NPSR1: variants seen among roughly 807,000 people sequenced by gnomAD.
The protein encoded by NPSR1 is neuropeptide S receptor.
A neutral mutation model predicts 46.9 loss-of-function variants in NPSR1; 48 were observed. The ratio of observed to expected loss-of-function variants is 1.02; its 90% confidence interval spans 0.81 to 1.30. The LOEUF (loss-of-function observed/expected upper bound fraction) is 1.30, where lower values mean the gene tolerates loss of function less well. Ranked by LOEUF, NPSR1 falls within the 50% of genes most tolerant of loss-of-function variation. The pLI, the probability that NPSR1 is intolerant of heterozygous loss-of-function variation, is 0.00. For missense variants in NPSR1, 450 were observed against 449.5 expected (o/e 1.00, Z -0.01); for synonymous variants, 176 against 168.1 (o/e 1.05, Z -0.36).
At chr7:34,659,909 A>G (rs1791371189) in intron 1 of NPSR1, among the ~76,000 whole-genome samples, 1 of 152,152 alleles carries the variant, frequency 6.6e-6, no homozygotes, top group African/African-American at 2.4e-5. Flanking sequence ...TGATATTCTT[A>G]GAACATGATA....
chr7:34,819,100 A>T (rs1244289030), intron 4 of NPSR1, among the ~76,000 whole-genome samples: 1 of 152,246 alleles, frequency 6.6e-6, no homozygotes, highest in African/African-American at 2.4e-5. Context: ...GCTTCTGCAC[A>T]GCAAAAGAAA....
intron 2 of NPSR1, among the ~76,000 whole-genome samples, chr7:34,701,485 A>G (rs1793826428): frequency 6.6e-6 from 1 of 152,210 alleles, no homozygotes; most frequent in African/African-American, 2.4e-5. Flanking sequence ...TTAACACAGT[A>G]TGTAAGCTCT....
At chr7:34,786,090 A>G (rs1309884150) in intron 3 of NPSR1, among the ~76,000 whole-genome samples, 1 of 152,162 alleles carries the variant, frequency 6.6e-6, no homozygotes, top group Admixed American at 6.6e-5. Flanking sequence ...AATTATCTGT[A>G]GTATGCAATA....
chr7:34,874,362 T>G (rs1222275352), intron 8 of NPSR1, among the ~76,000 whole-genome samples: 2 of 152,182 alleles, frequency 1.3e-5, no homozygotes. Flanking sequence ...TGAGCTCACA[T>G]TACCCTAAGA....
chr7:34,773,223 G>A (rs1786770237), intron 2 of NPSR1, among the ~76,000 whole-genome samples: 1 of 152,144 alleles, frequency 6.6e-6, no homozygotes, highest in Admixed American at 6.6e-5. Flanking sequence ...TTTAAAGGAT[G>A]GGACCCTAAA....
chr7:34,819,578 G>A (rs1296841425), intron 4 of NPSR1, among the ~76,000 whole-genome samples: 2 of 152,126 alleles, frequency 1.3e-5, no homozygotes, highest in African/African-American at 4.8e-5. Flanking sequence ...TATACCCAAA[G>A]GATTATAAAT....
intron 2 of NPSR1, among the ~76,000 whole-genome samples, chr7:34,714,364 C>T (rs546354958): frequency 2.0e-5 from 3 of 152,304 alleles, no homozygotes; most frequent in African/African-American, 7.2e-5. Flanking sequence ...TGAAACTTGG[C>T]TCATTGGGGG....
intron 4 of NPSR1, among the ~76,000 whole-genome samples, chr7:34,822,258 G>T (rs527286692): frequency 1.3e-5 from 2 of 152,114 alleles, no homozygotes; most frequent in Non-Finnish European, 2.9e-5. Flanking sequence ...GGCAGGGTTC[G>T]GAGTTTATGC....
intron 2 of NPSR1, chr7:34,753,373 G>C (rs968533556): frequency 6.6e-6 from 1 of 152,188 alleles, no homozygotes; most frequent in African/African-American, 2.4e-5. Context: ...GAAGTTGAAT[G>C]CTATTCTGAA....
chr7:34,662,008 A>C (rs945324715), intron 1 of NPSR1, among the ~76,000 whole-genome samples: 10 of 152,188 alleles, frequency 6.6e-5, no homozygotes, highest in African/African-American at 2.4e-4. Flanking sequence ...TGGTGAATTC[A>C]CCAGCAATGT....
chr7:34,848,692 A>G lies in NPSR1; in HGVS notation c.1025+29A>G, dbSNP rs553875377. 3.0e-5 allele frequency: 48 copies of G among 1,596,036 alleles called. No homozygotes were observed. The East Asian group carries it at 1.1e-3, about 35-fold the overall frequency. ...AGGGGAGCTCTTGCATGGGTCAGAC[A>G]CACTGATGGCCATTGCACTGGGATT... On this transcript the variant is annotated intron_variant, in intron 8 of 8. Coordinates refer to ENST00000360581, the MANE Select transcript of NPSR1 (RefSeq NM_207172.2).
At chr7:34,868,600 G>A (rs890395630) in intron 8 of NPSR1, among the ~76,000 whole-genome samples, 2 of 151,686 alleles carry the variant, frequency 1.3e-5, no homozygotes, top group African/African-American at 4.9e-5. Flanking sequence ...GCTCTCGGCA[G>A]AAGAGAGAAA....
At chr7:34,681,172 G>C (rs1255539619) in intron 1 of NPSR1, among the ~76,000 whole-genome samples, 1 of 152,048 alleles carries the variant, frequency 6.6e-6, no homozygotes, top group South Asian at 2.1e-4. Flanking sequence ...TCCATCCCCA[G>C]ACCAAGTCCC....
intron 2 of NPSR1, among the ~76,000 whole-genome samples, chr7:34,743,353 A>G (rs1382301317): frequency 1.3e-5 from 2 of 151,694 alleles, no homozygotes; most frequent in Non-Finnish European, 2.9e-5. Context: ...TCCAGCTTCC[A>G]TCTTCTGCCT....
In NPSR1 at chr7:34,727,350, A is replaced by C. The variant is rs1347834466; in HGVS notation, c.280+42666A>C. Among the ~76,000 whole-genome samples, 7 of 152,208 alleles carry C rather than the reference A, an allele frequency of 4.6e-5. No individual in the cohort carries two copies. In the East Asian group the frequency reaches 1.3e-3, roughly 29 times the overall value. On this transcript the variant is annotated intron_variant, in intron 2 of 8. Transcript: ENST00000360581. ...TGTTTATCTTGTTCACTTTTTAAAA[A>C]GTCATTTTGAAAAAGCAATAAATTC...
intron 2 of NPSR1, among the ~76,000 whole-genome samples, chr7:34,697,165 T>C (rs1182687232): frequency 2.0e-5 from 3 of 151,940 alleles, no homozygotes; most frequent in Non-Finnish European, 2.9e-5. Context: ...TCTCTACTTT[T>C]ATGTAAGTTT....
intron 2 of NPSR1, among the ~76,000 whole-genome samples, chr7:34,692,968 C>A (rs1277511917): frequency 3.3e-5 from 5 of 152,260 alleles, no homozygotes; most frequent in Middle Eastern, 3.4e-3. Flanking sequence ...GTGATTATAT[C>A]ATGGAGGCAG....
At chr7:34,799,424 G>A (rs375533671) in intron 3 of NPSR1, among the ~76,000 whole-genome samples, 1 of 151,822 alleles carries the variant, frequency 6.6e-6, no homozygotes, top group East Asian at 1.9e-4. Context: ...CATTCTTAAA[G>A]AAAACAATTT....
chr7:34,803,116 G>C lies in NPSR1; in HGVS notation c.385-8654G>C, dbSNP rs554235544. Among the ~76,000 whole-genome samples the C allele has an allele frequency of 1.2e-3, 187 of 151,082 alleles. 1 individual carries two copies. Among genetic ancestry groups the C allele is most frequent in the East Asian group, 5.8e-3 (30 of 5,172 alleles). On this transcript the variant is annotated intron_variant, in intron 3 of 8. Coordinates refer to ENST00000360581, the MANE Select transcript of NPSR1 (RefSeq NM_207172.2). Reference sequence around the variant, plus strand: ...AAATAGGAACACTTTTACACTGTTGGTGGGACTGTAAACTAGTTCAACCCT... The same window carrying C: ...AAATAGGAACACTTTTACACTGTTGCTGGGACTGTAAACTAGTTCAACCCT...
Sources: allele counts gnomAD v4.1 joint callset (sites outside exome capture counted in the v4.1 genomes callset), GRCh38; gene constraint gnomAD v4.1.1; transcripts MANE v1.5; gene names NCBI Gene and HGNC (gene_info 2026-07-23, HGNC 2026-07-21).